Variants in ASZ1 observed in about 807,000 individuals in gnomAD.
ASZ1 encodes the protein ankyrin repeat, SAM and basic leucine zipper domain-containing protein 1.
ASZ1 carries 67 observed loss-of-function variants against 61.8 expected under a neutral mutation model. The ratio of observed to expected loss-of-function variants is 1.08; its 90% CI spans 0.89 to 1.33. The LOEUF (loss-of-function observed/expected upper bound fraction) is 1.33. ASZ1 is among the 40% of genes most tolerant of loss of function. The probability of loss-of-function intolerance (pLI) is 0.00; values close to 1 mark genes in which losing one functional copy is unlikely to be tolerated. For missense variants in ASZ1, 577 were observed against 554.5 expected (o/e 1.04, Z -0.41); for synonymous variants, 193 against 192.7 (o/e 1.00, Z -0.01).
In ASZ1 at chr7:117,423,290, A is replaced by G. The variant is rs1797132742; in HGVS notation, c.206-931T>C. Among the ~76,000 whole-genome samples the G allele has an allele frequency of 2.0e-5, 3 of 152,156 alleles. No homozygotes were observed. In the South Asian group the frequency reaches 6.2e-4, roughly 32 times the overall value. ...TGGCTGTATAAACACCGGGTCACTGAAAGACTACATATGTCTAATTTCTAA... is the reference window on the plus strand; with the variant it reads ...TGGCTGTATAAACACCGGGTCACTGGAAGACTACATATGTCTAATTTCTAA... On this transcript the variant is annotated intron_variant, in intron 2 of 12. Transcript: ENST00000284629.
Position 117,385,820 on chromosome 7 carries a change from G to A in ASZ1, c.441-11C>T. 1 of 1,579,368 alleles carries A rather than the reference G, an allele frequency of 6.3e-7. No individual in the cohort carries two copies. Among genetic ancestry groups the A allele is most frequent in the East Asian group, 2.2e-5 (1 of 44,632 alleles). ...GGGGTCATAAGTCTCCTAAGGAGGA[G>A]GAAGAAAGGAAACATTTGTGTTAAT... On this transcript the variant is annotated splice_polypyrimidine_tract_variant and intron_variant, in intron 4 of 12. Coordinates refer to ENST00000284629, the MANE Select transcript of ASZ1 (RefSeq NM_130768.3).
chr7:117,421,890 GGAGTT>G (rs2078924707), intron 3 of ASZ1, among the ~76,000 whole-genome samples: 5 of 152,106 alleles, frequency 3.3e-5, no homozygotes, highest in Admixed American at 3.3e-4. Context: ...GATGTAATTT[GGAGTT>G]TAGTTTAAAA....
intron 10 of ASZ1, among the ~76,000 whole-genome samples, chr7:117,378,396 A>G (rs1372974750): frequency 6.6e-6 from 1 of 152,170 alleles, no homozygotes; most frequent in African/African-American, 2.4e-5. Context: ...TTTCACCACA[A>G]AAAGTACACA....
chr7:117,420,037 C>T, intron 4 of ASZ1, 126 bp downstream of exon 4: 2 of 612,352 alleles, frequency 3.3e-6, no homozygotes, highest in Non-Finnish European at 5.6e-6. Flanking sequence ...GGAACAATGA[C>T]CTTATGAACT....
intron 4 of ASZ1, among the ~76,000 whole-genome samples, chr7:117,404,497 C>T (rs1330903842): frequency 4.0e-5 from 6 of 149,268 alleles, no homozygotes. Context: ...TCCCTTAAGT[C>T]GAGGGTCACT....
At chr7:117,389,467 C>A (rs1796421318) in intron 4 of ASZ1, among the ~76,000 whole-genome samples, 1 of 152,150 alleles carries the variant, frequency 6.6e-6, no homozygotes, top group African/African-American at 2.4e-5. Context: ...ACTTTTCCCA[C>A]CAGGCACTTC....
At chr7:117,389,581 T>C (rs1796423858) in intron 4 of ASZ1, among the ~76,000 whole-genome samples, 1 of 152,130 alleles carries the variant, frequency 6.6e-6, no homozygotes, top group Non-Finnish European at 1.5e-5. Context: ...TTAGGGGTAG[T>C]TATGAACAGT....
chr7:117,363,764 G>C lies in ASZ1; in HGVS notation c.1276-16C>G. ...CATTTTGCAACTAATATTTAGTATG[G>C]AAAAAGAAAAGAGGAGTTACTGTAC... On this transcript the variant is annotated splice_polypyrimidine_tract_variant and intron_variant, in intron 12 of 12. Transcript: ENST00000284629. 6.5e-7 allele frequency: 1 copy of C among 1,539,244 alleles called. No homozygotes were observed. The highest frequency in any genetic ancestry group is 8.8e-7 in the Non-Finnish European group (1 of 1,141,616).
At chr7:117,384,646 C>A in intron 6 of ASZ1, 80 bp downstream of exon 6, 1 of 1,437,444 alleles carries the variant, frequency 7.0e-7, no homozygotes, top group Non-Finnish European at 9.4e-7. Flanking sequence ...ACTTTTAATT[C>A]TAACAGAATA....
At chr7:117,363,794 C>T (rs375485328) in intron 12 of ASZ1, 46 bp from the exon 13 acceptor site, 128 of 1,377,506 alleles carry the variant, frequency 9.3e-5, no homozygotes, top group Non-Finnish European at 1.2e-4. Context: ...CTGTACAATA[C>T]ATTAATAAAA....
chr7:117,405,125 C>T (rs536181189), intron 4 of ASZ1, among the ~76,000 whole-genome samples: 7 of 152,142 alleles, frequency 4.6e-5, no homozygotes, highest in Non-Finnish European at 7.3e-5. Context: ...TCTATGGACT[C>T]ATCCCAGTCC....
At chr7:117,390,713 T>A (rs1796448460) in intron 4 of ASZ1, among the ~76,000 whole-genome samples, 1 of 152,158 alleles carries the variant, frequency 6.6e-6, no homozygotes, top group Non-Finnish European at 1.5e-5. Context: ...GACTTTTAAT[T>A]ATTTTTTTGA....
At chr7:117,420,319 G>C in intron 3 of ASZ1, 45 bp from the exon 4 acceptor site, 2 of 1,359,960 alleles carry the variant, frequency 1.5e-6, no homozygotes, top group Non-Finnish European at 2.1e-6. Context: ...TACATCAAGA[G>C]CATCTATTCG....
At chr7:117,369,665 A>T (rs147012448) in intron 10 of ASZ1, among the ~76,000 whole-genome samples, 2 of 152,282 alleles carry the variant, frequency 1.3e-5, no homozygotes, top group African/African-American at 4.8e-5. Flanking sequence ...TAAACTGAAA[A>T]ACTTGGTGAT....
intron 1 of ASZ1, 28 bp from the exon 2 acceptor site, chr7:117,426,963 C>A: frequency 1.3e-6 from 2 of 1,561,570 alleles, no homozygotes; most frequent in African/African-American, 1.4e-5. Context: ...TTAAAAAATT[C>A]TTGTTATATA....
intron 4 of ASZ1, among the ~76,000 whole-genome samples, chr7:117,404,650 G>A (rs569012424): frequency 6.6e-6 from 1 of 152,106 alleles, no homozygotes; most frequent in East Asian, 1.9e-4. Context: ...CTGATTTTTA[G>A]CATAAATATT....
chr7:117,397,875 T>C (rs1372642674), intron 4 of ASZ1, among the ~76,000 whole-genome samples: 1 of 152,262 alleles, frequency 6.6e-6, no homozygotes, highest in African/African-American at 2.4e-5. Flanking sequence ...TTTATCTGCA[T>C]AGGGTGCCAG....
At chr7:117,426,716 G>C in intron 2 of ASZ1, 120 bp downstream of exon 2, 3 of 895,696 alleles carry the variant, frequency 3.3e-6, no homozygotes, top group Non-Finnish European at 5.2e-6. Flanking sequence ...GATTATGCAG[G>C]ATGATACATT....
chr7:117,420,045 A>C (rs886336911), intron 4 of ASZ1, 118 bp downstream of exon 4: 1 of 646,748 alleles, frequency 1.5e-6, no homozygotes, highest in African/African-American at 1.8e-5. Flanking sequence ...GACCTTATGA[A>C]CTATTTTCAT....
Sources: allele counts gnomAD v4.1 joint callset (sites outside exome capture counted in the v4.1 genomes callset), GRCh38; gene constraint gnomAD v4.1.1; transcripts MANE v1.5; gene names NCBI Gene and HGNC (gene_info 2026-07-23, HGNC 2026-07-21).